TTLL7: variants seen among roughly 807,000 people sequenced by gnomAD.
The protein encoded by TTLL7 is tubulin tyrosine ligase like 7.
In TTLL7, 53 loss-of-function variants were observed where a neutral mutation model predicts 120.2. The ratio of observed to expected loss-of-function variants is 0.44; its 90% confidence interval spans 0.35 to 0.55. The LOEUF (loss-of-function observed/expected upper bound fraction) is 0.55. TTLL7 is among the 20% of genes least tolerant of loss of function. TTLL7 has a pLI of 0.00. For synonymous variants in TTLL7, 353 were observed against 351.7 expected (o/e 1.00, Z -0.04); for missense variants, 803 against 1,054.7 (o/e 0.76, Z 3.31).
At chr1:83,957,645 C>T (rs927437397) in intron 1 of TTLL7, among the ~76,000 whole-genome samples, 1 of 152,202 alleles carries the variant, frequency 6.6e-6, no homozygotes, top group East Asian at 1.9e-4. Context: ...TGGCTTCTAC[C>T]TATTAGAAGA....
intron 19 of TTLL7, among the ~76,000 whole-genome samples, 156 bp downstream of exon 19, chr1:83,890,165 C>T (rs1412138050): frequency 6.6e-6 from 1 of 152,130 alleles, no homozygotes; most frequent in East Asian, 1.9e-4. Flanking sequence ...TCTAAATCAG[C>T]TTAATTGATA....
At chr1:83,902,914 C>G (rs1428063284) in intron 18 of TTLL7, among the ~76,000 whole-genome samples, 1 of 151,956 alleles carries the variant, frequency 6.6e-6, no homozygotes, top group Non-Finnish European at 1.5e-5. Context: ...CAGCATCCAT[C>G]CATTCAGTTA....
At chr1:83,934,086 A>G (rs188111639) in intron 8 of TTLL7, among the ~76,000 whole-genome samples, 13 of 152,262 alleles carry the variant, frequency 8.5e-5, no homozygotes, top group African/African-American at 3.1e-4. Flanking sequence ...CCTAACCCTC[A>G]AGTTAAAAGC....
chr1:83,921,387 C>A lies in TTLL7; in HGVS notation c.1150G>T (p.Asp384Tyr). 6.2e-7 allele frequency: 1 copy of A among 1,610,904 alleles called. No homozygotes were observed. Among genetic ancestry groups the A allele is most frequent in the Non-Finnish European group, 8.5e-7 (1 of 1,179,512 alleles). The change falls in exon 11 of 21, where the codon GAC becomes TAC. Residue 384 changes from aspartate to tyrosine, a missense_variant. By Grantham distance (160) the Asp-to-Tyr change is radical. Around this residue, in one of 3 missense-constraint regions of TTLL7, gnomAD observed 324 missense variants for 507.7 expected, o/e 0.64. Transcript: ENST00000260505. ...ALKLLNIRTS[D>Y]KRRNLAKQKA... ...TGTTTGGCCAAGTTTCTTCTTTTGT[C>A]ACTGGTCCTAAAATATAAAACATAA...
At chr1:83,920,315 G>T (rs146460597) in intron 12 of TTLL7, among the ~76,000 whole-genome samples, 1 of 152,090 alleles carries the variant, frequency 6.6e-6, no homozygotes, top group East Asian at 1.9e-4. Context: ...TTATAGGAGA[G>T]TGTTCAGGTA....
intron 18 of TTLL7, among the ~76,000 whole-genome samples, chr1:83,897,666 C>G (rs1271918657): frequency 6.6e-6 from 1 of 151,902 alleles, no homozygotes; most frequent in East Asian, 1.9e-4. Context: ...TCACTGTGAT[C>G]CCTTCAACAG....
chr1:83,945,918 A>T (rs917050472), intron 6 of TTLL7: 1 of 152,192 alleles, frequency 6.6e-6, no homozygotes, highest in African/African-American at 2.4e-5. Context: ...TAAAATTACC[A>T]AACCACATTT....
intron 1 of TTLL7, among the ~76,000 whole-genome samples, chr1:83,966,227 C>T (rs1650450660): frequency 6.6e-6 from 1 of 152,072 alleles, no homozygotes; most frequent in South Asian, 2.1e-4. Context: ...CTGCCTCACA[C>T]CATCTTTTGG....
At chr1:83,927,897 C>G (rs1288417678) in intron 10 of TTLL7, among the ~76,000 whole-genome samples, 1 of 152,158 alleles carries the variant, frequency 6.6e-6, no homozygotes, top group African/African-American at 2.4e-5. Flanking sequence ...GAGCTCTCCA[C>G]CCAGCTGGAG....
intron 10 of TTLL7, among the ~76,000 whole-genome samples, chr1:83,922,936 G>C (rs1658809018): frequency 6.6e-6 from 1 of 150,586 alleles, no homozygotes; most frequent in Non-Finnish European, 1.5e-5. Context: ...GGTAAGTTTA[G>C]AGTAATATTT....
intron 18 of TTLL7, among the ~76,000 whole-genome samples, chr1:83,890,924 G>C (rs978226638): frequency 3.9e-5 from 6 of 151,982 alleles, no homozygotes; most frequent in Non-Finnish European, 7.4e-5. Context: ...TTATGGATTA[G>C]ATGAAGAAAA....
At chr1:83,911,910 A>G (rs1571158921) in intron 14 of TTLL7, among the ~76,000 whole-genome samples, 1 of 151,996 alleles carries the variant, frequency 6.6e-6, no homozygotes, top group African/African-American at 2.4e-5. Flanking sequence ...GAATAAGAAT[A>G]CTAAAACATT....
chr1:83,972,017 C>T lies in TTLL7; in HGVS notation c.-176-19630G>A, dbSNP rs75808721. Among the ~76,000 whole-genome samples the T allele has an allele frequency of 2.1e-3, 324 of 151,966 alleles. 2 individuals are homozygous for T. Among genetic ancestry groups the T allele is most frequent in the African/African-American group, 7.6e-3 (314 of 41,488 alleles). ...GGAAGGTACAGAGATTTCCTCTGTA[C>T]CCCTCCCTGCCACATACACACATAC... On this transcript the variant is annotated intron_variant, in intron 1 of 20. Coordinates refer to ENST00000260505, the MANE Select transcript of TTLL7 (RefSeq NM_024686.6).
chr1:83,976,385 T>C (rs192085920), intron 1 of TTLL7, among the ~76,000 whole-genome samples: 1 of 152,204 alleles, frequency 6.6e-6, no homozygotes, highest in African/African-American at 2.4e-5. Flanking sequence ...TTAAAGTGTT[T>C]GCTTCAAATT....
At chr1:83,891,468 G>A (rs1327664991) in intron 18 of TTLL7, among the ~76,000 whole-genome samples, 1 of 152,108 alleles carries the variant, frequency 6.6e-6, no homozygotes, top group Admixed American at 6.6e-5. Flanking sequence ...TTGCTAGTGT[G>A]AGTACAGATC....
intron 1 of TTLL7, among the ~76,000 whole-genome samples, chr1:83,976,852 C>A (rs1350444349): frequency 6.6e-6 from 1 of 151,282 alleles, no homozygotes; most frequent in Non-Finnish European, 1.5e-5. Flanking sequence ...GTTTCCATTT[C>A]ATGAATGGTA....
At chr1:83,926,669 T>C (rs971787995) in intron 10 of TTLL7, among the ~76,000 whole-genome samples, 1 of 152,172 alleles carries the variant, frequency 6.6e-6, no homozygotes, top group Non-Finnish European at 1.5e-5. Context: ...TGTTCAATGG[T>C]AGGGTAGCAT....
rs553199306 is a variant in TTLL7, at chr1:83,915,769, C to T, written c.1587+1835G>A. 3.3e-5 allele frequency among the ~76,000 whole-genome samples: 5 copies of T among 150,226 alleles called. No individual in the cohort carries two copies. In the South Asian group the frequency reaches 1.1e-3, roughly 34 times the overall value. On this transcript the variant is annotated intron_variant, in intron 14 of 20. Transcript: ENST00000260505. ...CTGACAAAGGGCTAATATCCAGAATCTACAATGAACTCAAACAAATTTACA... is the reference window on the plus strand; with the variant it reads ...CTGACAAAGGGCTAATATCCAGAATTTACAATGAACTCAAACAAATTTACA...
intron 1 of TTLL7, among the ~76,000 whole-genome samples, chr1:83,965,990 T>G (rs936247675): frequency 1.3e-5 from 2 of 152,124 alleles, no homozygotes; most frequent in African/African-American, 4.8e-5. Context: ...TAAAGGTAAA[T>G]TCATTGTGAT....
Sources: allele counts gnomAD v4.1 joint callset (sites outside exome capture counted in the v4.1 genomes callset), GRCh38; gene constraint gnomAD v4.1.1; regional missense constraint gnomAD v4.1.1; transcripts MANE v1.5; gene names NCBI Gene and HGNC (gene_info 2026-07-23, HGNC 2026-07-21).